The following KAT6B variants were observed in gnomAD, a reference collection of about 807,000 sequenced individuals.
The protein encoded by KAT6B is histone acetyltransferase KAT6B.
KAT6B carries 10 observed loss-of-function variants against 187.5 expected under a neutral mutation model. The ratio of observed to expected loss-of-function variants is 0.05; its 90% confidence interval spans 0.03 to 0.09. The LOEUF (loss-of-function observed/expected upper bound fraction) is 0.09. KAT6B is among the 10% of genes least tolerant of loss of function. The probability of loss-of-function intolerance (pLI) is 1.00; values close to 1 mark genes in which losing one functional copy is unlikely to be tolerated. For missense variants in KAT6B, 1,952 were observed against 2,558.9 expected (o/e 0.76, Z 5.12); for synonymous variants, 861 against 926.8 (o/e 0.93, Z 1.29).
chr10:74,945,544 C>G (rs1448405841), intron 3 of KAT6B, among the ~76,000 whole-genome samples: 3 of 152,108 alleles, frequency 2.0e-5, no homozygotes, highest in African/African-American at 7.2e-5. Context: ...CTCACTGCAA[C>G]CTCCGCCTCC....
Position 75,028,781 on chromosome 10 carries a change from G to T in KAT6B, c.3957G>T (p.Leu1319Phe), listed in dbSNP as rs150339818. The T allele has an allele frequency of 1.6e-4, 254 of 1,614,154 alleles. No individual in the cohort carries two copies. The highest frequency in any genetic ancestry group is 5.3e-4 in the East Asian group (24 of 44,880). The stretch of plus-strand genomic sequence containing the variant: ...TCAAGGAAACTGGGGAAGCCCTGTT[G>T]CCTCAAGAGGAAAACAGAAGGGAAG... ...EEVKETGEAL[L>F]PQEENRREET... The change falls in exon 18 of 18, where the codon TTG (leucine) becomes TTT (phenylalanine). Residue 1319 changes from leucine (L) to phenylalanine (F), a missense_variant. Leu to Phe is a conservative substitution (Grantham distance 22, BLOSUM62 0). Coordinates refer to ENST00000287239, the MANE Select transcript of KAT6B (RefSeq NM_012330.4).
Position 75,025,001 on chromosome 10 carries a change from G to A in KAT6B, c.3416G>A (p.Arg1139Lys), listed in dbSNP as rs149295701. 106 of 1,614,208 alleles carry A rather than the reference G, an allele frequency of 6.6e-5. No homozygotes were observed. The African/African-American group carries it at 1.2e-3, about 18-fold the overall frequency. ...LKKKRGRKRRRINSSVTTETI... is the reference protein window; with the variant it reads ...LKKKRGRKRRKINSSVTTETI... ...AAGAAAAGGGGTCGTAAACGCAGGA[G>A]GATCAACAGCAGTGTAACAACAGAG... Residue 1139 changes from arginine to lysine, a missense_variant, in exon 17 of 18, where the codon AGG becomes AAG. By Grantham distance (26) the Arg-to-Lys change is conservative. This residue lies in a region of KAT6B where 758 missense variants were observed against 891.4 expected (regional missense o/e 0.85). Coordinates refer to ENST00000287239, the MANE Select transcript of KAT6B (RefSeq NM_012330.4).
intron 3 of KAT6B, among the ~76,000 whole-genome samples, chr10:74,912,375 G>GGATAGATA (rs35051764): frequency 0.32 from 46,199 of 145,378 alleles, 7,541 homozygotes; most frequent in East Asian, 0.41. Context: ...ATGGATGGAT[G>GGATAGATA]GATAGATAGA....
In KAT6B at chr10:74,961,598, G is replaced by A. The variant is rs572293498; in HGVS notation, c.730+1520G>A. Among the ~76,000 whole-genome samples, 12 of 152,210 alleles carry A rather than the reference G, an allele frequency of 7.9e-5. No individual in the cohort carries two copies. In the East Asian group the frequency reaches 9.6e-4, roughly 12 times the overall value. ...TTATCTTCTAGATCATAACTTCAAG[G>A]CCTCCTTCACAGGGTATAAAGGTGT... is the stretch of plus-strand genomic sequence containing the variant. On this transcript the variant is annotated intron_variant, in intron 4 of 17. Transcript: ENST00000287239.
At chr10:74,940,307 G>A (rs1242174513) in intron 3 of KAT6B, among the ~76,000 whole-genome samples, 4 of 143,736 alleles carry the variant, frequency 2.8e-5, no homozygotes, top group African/African-American at 1.1e-4. Flanking sequence ...ACAGAGTCTC[G>A]CTCTGTTGCC....
At chr10:74,847,999 A>G (rs1589462815) in intron 3 of KAT6B, among the ~76,000 whole-genome samples, 1 of 150,696 alleles carries the variant, frequency 6.6e-6, no homozygotes, top group African/African-American at 2.4e-5. Flanking sequence ...GCCCACTGCA[A>G]CCTCTGTCTC....
intron 3 of KAT6B, among the ~76,000 whole-genome samples, chr10:74,912,375 G>GATAGATA (rs55816415): frequency 0.015 from 2,186 of 145,606 alleles, 18 homozygotes; most frequent in South Asian, 0.028. Context: ...ATGGATGGAT[G>GATAGATA]GATAGATAGA....
intron 3 of KAT6B, among the ~76,000 whole-genome samples, chr10:74,935,746 G>C (rs1849221855): frequency 6.6e-6 from 1 of 152,230 alleles, no homozygotes; most frequent in Non-Finnish European, 1.5e-5. Context: ...TGAATGGCTT[G>C]GTCTTTGTTT....
rs115225983 is a variant in KAT6B at position 74,932,378 on chromosome 10, C to T, written c.622-27592C>T. On this transcript the variant is annotated intron_variant, in intron 3 of 17. Transcript: ENST00000287239. ...AGTCAGATACTTGGCCAAGATCACACGACCAGAAAATGATAGAGCTAGGAA... is the reference window on the plus strand; with the variant it reads ...AGTCAGATACTTGGCCAAGATCACATGACCAGAAAATGATAGAGCTAGGAA... Among the ~76,000 whole-genome samples the T allele has an allele frequency of 7.7e-3, 1,165 of 152,216 alleles. 27 individuals are homozygous for T. Among genetic ancestry groups the T allele is most frequent in the African/African-American group, 0.025 (1,031 of 41,534 alleles).
intron 3 of KAT6B, among the ~76,000 whole-genome samples, chr10:74,922,139 CAT>C (rs138073350): frequency 0.081 from 12,362 of 152,300 alleles, 665 homozygotes; most frequent in South Asian, 0.27. Context: ...TAAAATAACT[CAT>C]GTGATTGTAT....
At chr10:74,835,016 T>C (rs1841179725) in intron 1 of KAT6B, among the ~76,000 whole-genome samples, 1 of 152,186 alleles carries the variant, frequency 6.6e-6, no homozygotes. Context: ...TGGGAAATCT[T>C]AGGGTATACA....
intron 9 of KAT6B, 35 bp from the exon 10 acceptor site, chr10:74,979,189 T>TC: frequency 7.1e-7 from 1 of 1,415,486 alleles, no homozygotes; most frequent in Non-Finnish European, 9.9e-7. Flanking sequence ...GTGAAGTATA[T>TC]ATATTATTAT....
At chr10:74,982,235 T>C (rs546663888) in intron 11 of KAT6B, 6 of 345,304 alleles carry the variant, frequency 1.7e-5, no homozygotes, top group South Asian at 1.3e-4. Context: ...TCTACTTTCT[T>C]TGGCAGGAGA....
At chr10:74,913,975 C>T (rs1847444243) in intron 3 of KAT6B, among the ~76,000 whole-genome samples, 2 of 152,130 alleles carry the variant, frequency 1.3e-5, no homozygotes, top group Admixed American at 1.3e-4. Flanking sequence ...TGCCTGAGCT[C>T]AGGAGTTTGA....
Position 75,029,849 on chromosome 10 carries a change from C to T in KAT6B, c.5025C>T (p.Ser1675=), listed in dbSNP as rs756761169. Reference sequence around the variant, plus strand: ...TTAGTGACCTGGGCAGTATCGAGAGCACAACTGAGAACTACGAAAACCCAA... The same window carrying T: ...TTAGTGACCTGGGCAGTATCGAGAGTACAACTGAGAACTACGAAAACCCAA... ...SGFSDLGSIE[S]TTENYENPSS... is the part of the protein sequence containing the mutation. Residue 1675 remains serine (S), a synonymous_variant, in exon 18 of 18, where the codon AGC becomes AGT. Coordinates refer to ENST00000287239, the MANE Select transcript of KAT6B (RefSeq NM_012330.4). This position sits in a 1 kb window ranked among gnomAD's most constrained non-coding sequence, Gnocchi z 6.2. 4 of 1,614,184 alleles carry T rather than the reference C, an allele frequency of 2.5e-6. No homozygotes were observed. The South Asian group carries it at 3.3e-5, about 13-fold the overall frequency.
intron 12 of KAT6B, among the ~76,000 whole-genome samples, chr10:74,987,057 G>A (rs796204893): frequency 6.6e-6 from 1 of 152,190 alleles, no homozygotes; most frequent in South Asian, 2.1e-4. Flanking sequence ...GGCAGCAGCT[G>A]CTGTTATTTC....
chr10:74,989,259 C>T, intron 13 of KAT6B, 147 bp downstream of exon 13: 1 of 680,734 alleles, frequency 1.5e-6, no homozygotes, highest in Non-Finnish European at 2.7e-6. Flanking sequence ...TAGGTTAGAA[C>T]ATCTTCCTCA....
chr10:74,895,467 A>G (rs1303486507), intron 3 of KAT6B, among the ~76,000 whole-genome samples: 1 of 152,050 alleles, frequency 6.6e-6, no homozygotes, highest in Non-Finnish European at 1.5e-5. Context: ...TATCTTCCCA[A>G]TAGGCCCTAT....
chr10:74,887,127 C>T (rs1845337023), intron 3 of KAT6B, among the ~76,000 whole-genome samples: 1 of 152,108 alleles, frequency 6.6e-6, no homozygotes, highest in Admixed American at 6.6e-5. Context: ...AGACCAGGAT[C>T]TAGTCATCAG....
Sources: gnomAD v4.1 joint callset for allele counts (sites outside exome capture counted in the v4.1 genomes callset) on GRCh38, gnomAD v4.1.1 for gene constraint, gnomAD v4.1.1 regional missense constraint, Gnocchi (gnomAD v3.1) non-coding constraint, MANE v1.5 for transcripts, NCBI Gene and HGNC (gene_info 2026-07-23, HGNC 2026-07-21) for gene names.